Variants in PLCE1 observed in about 807,000 individuals in gnomAD.
PLCE1 encodes the protein phospholipase C epsilon 1.
PLCE1 carries 119 observed loss-of-function variants against 242.8 expected under a neutral mutation model. The ratio of observed to expected loss-of-function variants is 0.49; its 90% CI spans 0.42 to 0.57. The LOEUF is 0.57. Ranked by LOEUF, PLCE1 falls within the 20% of genes least tolerant of loss-of-function variation. PLCE1 has a pLI of 0.00. For missense variants in PLCE1, 2,441 were observed against 2,788.8 expected (o/e 0.88, Z 2.81); for synonymous variants, 945 against 1,017.4 (o/e 0.93, Z 1.35).
chr10:94,325,672 G>GTAGA (rs1224173282), intron 32 of PLCE1: 1 of 151,046 alleles, frequency 6.6e-6, no homozygotes, highest in Non-Finnish European at 1.5e-5. Flanking sequence ...TATTTATTTT[G>GTAGA]TAGATAAATA....
At position 94,244,419 on chromosome 10, in the gene PLCE1, GC is replaced by G. The variant is rs200416155; in HGVS notation, c.2421-1526del. ...CTTGATCTTACTAACAACTTCCTAT[GC>G]TTTGAAAAGAATGAGACTCTTGGGC... On this transcript the variant is annotated intron_variant, in intron 7 of 32. Transcript: ENST00000371380. 3.3e-4 allele frequency among the ~76,000 whole-genome samples: 50 copies of G among 152,266 alleles called. 1 individual carries two copies. The East Asian group carries it at 9.5e-3, about 29-fold the overall frequency.
intron 5 of PLCE1, among the ~76,000 whole-genome samples, chr10:94,229,197 C>CAAAAAAAAAAAAAAAAAAAAA (rs200316786): frequency 8.1e-6 from 1 of 123,354 alleles, no homozygotes; most frequent in Non-Finnish European, 1.7e-5. Flanking sequence ...ACAAAACAAA[C>CAAAAAAAAAAAAAAAAAAAAA]AAACAAAAAA....
intron 2 of PLCE1, among the ~76,000 whole-genome samples, chr10:94,071,218 G>A (rs2044342416): frequency 6.6e-6 from 1 of 152,036 alleles, no homozygotes; most frequent in African/African-American, 2.4e-5. Flanking sequence ...TGGAAGGAGT[G>A]TCCTGCTCAC....
rs1439063013 is a variant in PLCE1, at chr10:94,308,674, CT to C, written c.5979del (p.Gly1994AlafsTer53). The C allele has an allele frequency of 1.9e-6, 3 of 1,602,364 alleles. No individual in the cohort carries two copies. The highest frequency in any genetic ancestry group is 2.2e-5 in the South Asian group (2 of 90,828). On this transcript the variant is annotated frameshift_variant, in exon 27 of 33. Transcript: ENST00000371380. LOFTEE classifies it high-confidence loss of function. ...AGCAGAAGGATGGAAGAAAATTCCT[CT>C]GGCAATACCATGTCAGCCTCTTCGG... ...INSRRMEENSSGNTMSASSMF... is the reference protein window; with the variant it reads ...INSRRMEENSXGNTMSASSMF...
intron 2 of PLCE1, chr10:94,099,601 G>A (rs2045445163): frequency 6.6e-6 from 1 of 152,136 alleles, no homozygotes. Context: ...AATTATCATG[G>A]AAATTAAGAC....
At chr10:94,205,378 A>G (rs1189631927) in intron 4 of PLCE1, among the ~76,000 whole-genome samples, 2 of 152,236 alleles carry the variant, frequency 1.3e-5, no homozygotes, top group Non-Finnish European at 2.9e-5. Flanking sequence ...ATTACTTTCA[A>G]TATTAAAGAT....
In PLCE1 at chr10:94,327,860, C is replaced by T. The variant is rs539085954; in HGVS notation, c.*25-108C>T. ...AGAGGAAACAGTCTCTTCCCCAAAC[C>T]TAGCCACTAGAGCTGTGGCTGGAAA... On this transcript the variant is annotated intron_variant, in intron 32 of 32. Coordinates refer to ENST00000371380, the MANE Select transcript of PLCE1 (RefSeq NM_016341.4). 2.8e-3 allele frequency: 1,030 copies of T among 374,542 alleles called. 3 individuals are homozygous for T. Among genetic ancestry groups the T allele is most frequent in the Non-Finnish European group, 4.0e-3 (716 of 177,736 alleles). The allele number at this position is 374,542 out of a possible 1,614,324, so 23.2% of individuals were successfully genotyped here.
Position 94,328,059 on chromosome 10 carries a change from T to C in PLCE1, c.*116T>C, listed in dbSNP as rs886047506. 8.1e-6 allele frequency: 4 copies of C among 494,292 alleles called. No homozygotes were observed. Among genetic ancestry groups the C allele is most frequent in the Admixed American group, 6.6e-5 (3 of 45,772 alleles). The allele number at this position is 494,292 out of a possible 1,614,324, so 30.6% of individuals were successfully genotyped here. The stretch of plus-strand genomic sequence containing the variant: ...ACTTAAACTGGAAATTGATGATTTC[T>C]GAACTGAAGCCTTCACACATGTGAG... On this transcript the variant is annotated 3_prime_UTR_variant, in exon 33 of 33. Coordinates refer to ENST00000371380, the MANE Select transcript of PLCE1 (RefSeq NM_016341.4).
At chr10:94,176,524 A>T (rs1240126567) in intron 4 of PLCE1, among the ~76,000 whole-genome samples, 2 of 152,246 alleles carry the variant, frequency 1.3e-5, no homozygotes, top group Non-Finnish European at 2.9e-5. Flanking sequence ...TTATAAGCCC[A>T]TACTTTGATT....
intron 23 of PLCE1, among the ~76,000 whole-genome samples, chr10:94,295,001 C>T (rs1359021016): frequency 1.3e-5 from 2 of 150,638 alleles, no homozygotes; most frequent in Admixed American, 6.6e-5. Flanking sequence ...CTGCAAGCTC[C>T]ACCTCCCGGG....
At chr10:94,124,402 A>G (rs987883498) in intron 2 of PLCE1, among the ~76,000 whole-genome samples, 4 of 149,038 alleles carry the variant, frequency 2.7e-5, no homozygotes, top group Admixed American at 2.0e-4. Flanking sequence ...AAAAAAAGAA[A>G]GAAAGAAAGA....
chr10:94,076,011 C>T (rs2044487107), intron 2 of PLCE1, among the ~76,000 whole-genome samples: 1 of 152,126 alleles, frequency 6.6e-6, no homozygotes, highest in Non-Finnish European at 1.5e-5. Context: ...GAGGAAATGG[C>T]ACCTTGGAGA....
rs369360818 is a variant in PLCE1 at position 94,279,722 on chromosome 10, A to C, written c.4666-60A>C. On this transcript the variant is annotated intron_variant, in intron 19 of 32. Transcript: ENST00000371380. ...TGTTAAACATCAGGGGTAGTTTTAA[A>C]GGTTATAAATGAATTCATTAACTTG... 657 of 1,573,948 alleles carry C rather than the reference A, an allele frequency of 4.2e-4. 3 individuals are homozygous for C. In the African/African-American group the frequency reaches 6.8e-3, roughly 16 times the overall value.
chr10:94,314,721 T>G (rs1164254672), intron 28 of PLCE1, among the ~76,000 whole-genome samples: 1 of 152,144 alleles, frequency 6.6e-6, no homozygotes, highest in Non-Finnish European at 1.5e-5. Flanking sequence ...ATCATAACAT[T>G]TGGAGGAATT....
At chr10:93,997,262 G>C (rs1224997182) in intron 1 of PLCE1, among the ~76,000 whole-genome samples, 2 of 151,788 alleles carry the variant, frequency 1.3e-5, no homozygotes, top group African/African-American at 4.8e-5. Flanking sequence ...TTTCTCACTT[G>C]GTGAGAACTA....
chr10:94,283,690 G>A (rs1016742293), intron 20 of PLCE1, 100 bp from the exon 21 acceptor site: 23 of 1,246,904 alleles, frequency 1.8e-5, no homozygotes, highest in Non-Finnish European at 2.6e-5. Context: ...CATTCTTATA[G>A]ATAAGTACAA....
chr10:94,005,148 G>T (rs141201295), intron 1 of PLCE1, among the ~76,000 whole-genome samples: 1 of 152,300 alleles, frequency 6.6e-6, no homozygotes, highest in East Asian at 1.9e-4. Context: ...AATTCTGGAA[G>T]CAAGGGCTGC....
chr10:94,174,846 C>G (rs911393496), intron 4 of PLCE1, among the ~76,000 whole-genome samples: 4 of 152,048 alleles, frequency 2.6e-5, no homozygotes, highest in African/African-American at 9.7e-5. Context: ...GGACCATGGA[C>G]TAGAAAAAGA....
At chr10:94,313,667 A>G (rs2053463413) in intron 28 of PLCE1, among the ~76,000 whole-genome samples, 1 of 152,186 alleles carries the variant, frequency 6.6e-6, no homozygotes, top group South Asian at 2.1e-4. Flanking sequence ...CTAGAATGAT[A>G]AAGACCGGAA....
Sources: allele counts gnomAD v4.1 joint callset (sites outside exome capture counted in the v4.1 genomes callset), GRCh38; gene constraint gnomAD v4.1.1; transcripts MANE v1.5; gene names NCBI Gene and HGNC (gene_info 2026-07-23, HGNC 2026-07-21).